Variants in SCN9A observed in about 807,000 individuals in gnomAD.
The protein encoded by SCN9A is sodium voltage-gated channel alpha subunit 9.
SCN9A carries 131 observed loss-of-function variants against 187.0 expected under a neutral mutation model. The ratio of observed to expected loss-of-function variants is 0.70; its 90% confidence interval spans 0.61 to 0.81. The LOEUF is 0.81. Among genes scored for constraint, SCN9A ranks in the 30% least tolerant of loss-of-function variants. SCN9A has a pLI of 0.00. For synonymous variants in SCN9A, 809 were observed against 808.6 expected, an observed-to-expected ratio of 1.00 and a Z score of -0.01; for missense variants, 2,252 against 2,396.6, an observed-to-expected ratio of 0.94 and a Z score of 1.26.
intron 1 of SCN9A, among the ~76,000 whole-genome samples, chr2:166,359,389 T>C (rs1559062259): frequency 6.6e-6 from 1 of 152,104 alleles, no homozygotes; most frequent in Non-Finnish European, 1.5e-5. Flanking sequence ...AAGTATAATA[T>C]CACAAGAAAA....
intron 11 of SCN9A, among the ~76,000 whole-genome samples, chr2:166,285,541 T>A (rs113871034): frequency 4.8e-4 from 73 of 152,330 alleles, no homozygotes; most frequent in African/African-American, 1.6e-3. Flanking sequence ...CATATTTATT[T>A]TTATTGATAT....
intron 24 of SCN9A, 61 bp downstream of exon 24, chr2:166,226,506 C>T: frequency 8.4e-7 from 1 of 1,188,932 alleles, no homozygotes. Flanking sequence ...TTTACATTAT[C>T]TTTTTTGGAA....
Position 166,311,792 on chromosome 2 carries a change from C to T in SCN9A, c.-36G>A. 1 of 1,541,376 alleles carries T rather than the reference C, an allele frequency of 6.5e-7. No individual in the cohort carries two copies. Among genetic ancestry groups the T allele is most frequent in the Non-Finnish European group, 8.8e-7 (1 of 1,139,198 alleles). On this transcript the variant is annotated 5_prime_UTR_variant, in exon 2 of 27. Transcript: ENST00000642356. ...TGTATATTTTAATTCCTCTTCAGCT[C>T]CTCACATAAGAGGCCTGGATGGAAA...
chr2:166,264,179 A>T (rs1293561196), intron 17 of SCN9A, among the ~76,000 whole-genome samples: 1 of 152,004 alleles, frequency 6.6e-6, no homozygotes, highest in African/African-American at 2.4e-5. Context: ...TTCTTAGCAC[A>T]GTGCTTAGAG....
intron 4 of SCN9A, 43 bp downstream of exon 4, chr2:166,306,467 G>A: frequency 9.1e-7 from 1 of 1,101,584 alleles, no homozygotes; most frequent in Non-Finnish European, 1.4e-6. Flanking sequence ...AGGATGAAAT[G>A]ATAATACCAA....
chr2:166,358,036 T>A (rs997268290), intron 1 of SCN9A, among the ~76,000 whole-genome samples: 1 of 26,168 alleles, frequency 3.8e-5, no homozygotes, highest in African/African-American at 2.2e-4. Context: ...AATAAAACTT[T>A]TATTTATTTA....
At chr2:166,209,917 G>A (rs575631262) in intron 24 of SCN9A, among the ~76,000 whole-genome samples, 20 of 152,240 alleles carry the variant, frequency 1.3e-4, no homozygotes, top group Admixed American at 4.6e-4. Context: ...CAAGGATCTA[G>A]AACTAGAAAT....
intron 1 of SCN9A, among the ~76,000 whole-genome samples, chr2:166,342,961 G>A (rs1163596052): frequency 6.6e-6 from 1 of 152,134 alleles, no homozygotes; most frequent in Non-Finnish European, 1.5e-5. Flanking sequence ...CTGCAAAAAC[G>A]TTTTTAGCAC....
intron 18 of SCN9A, among the ~76,000 whole-genome samples, chr2:166,251,262 A>G (rs1039167715): frequency 6.6e-6 from 1 of 152,086 alleles, no homozygotes; most frequent in African/African-American, 2.4e-5. Flanking sequence ...TGCAGAAAAA[A>G]TACTCATTAA....
intron 2 of SCN9A, among the ~76,000 whole-genome samples, chr2:166,308,676 A>G (rs1477473201): frequency 6.6e-6 from 1 of 152,134 alleles, no homozygotes; most frequent in Admixed American, 6.5e-5. Flanking sequence ...TGTTCCCAGC[A>G]CTTTGGGAGG....
Position 166,276,993 on chromosome 2 carries a change from C to T in SCN9A, c.2864G>A (p.Gly955Glu). The T allele has an allele frequency of 6.2e-7, 1 of 1,612,164 alleles. No homozygotes were observed. Among genetic ancestry groups the T allele is most frequent in the Non-Finnish European group, 8.5e-7 (1 of 1,178,822 alleles). The change falls in exon 16 of 27, where the codon GGA (glycine) becomes GAA (glutamate). Residue 955 changes from glycine to glutamate, a missense_variant. Physicochemically the swap from Gly to Glu is moderately conservative, Grantham distance 98. Around this residue, in one of 7 missense-constraint regions of SCN9A, gnomAD observed 119 missense variants for 188.7 expected, o/e 0.63. Transcript: ENST00000642356. ...LIVYMMVMVIGNLVVLNLFLA... is the reference protein window; with the variant it reads ...LIVYMMVMVIENLVVLNLFLA... ...CATCTGGTTACATACCACCAGGTTT[C>T]CAATGACCATGACCATCATGTAAAC...
At chr2:166,327,713 T>G (rs4131632) in intron 1 of SCN9A, among the ~76,000 whole-genome samples, 33,637 of 152,138 alleles carry the variant, frequency 0.22, 4,787 homozygotes, top group Non-Finnish European at 0.33. Context: ...GCTTTTAACT[T>G]TATAATCTTT....
At chr2:166,221,935 T>C (rs1694604735) in intron 24 of SCN9A, among the ~76,000 whole-genome samples, 1 of 152,148 alleles carries the variant, frequency 6.6e-6, no homozygotes, top group African/African-American at 2.4e-5. Flanking sequence ...TAAAATTGAA[T>C]TCTTATATTA....
chr2:166,242,691 T>A, intron 18 of SCN9A, 35 bp from the exon 19 acceptor site: 6 of 1,490,374 alleles, frequency 4.0e-6, no homozygotes, highest in Non-Finnish European at 5.4e-6. Context: ...AATCTTGATA[T>A]TCAGAATAAA....
At chr2:166,346,896 A>G (rs917841010) in intron 1 of SCN9A, among the ~76,000 whole-genome samples, 2 of 152,230 alleles carry the variant, frequency 1.3e-5, no homozygotes, top group Non-Finnish European at 2.9e-5. Flanking sequence ...AGACATTTGC[A>G]CAATAGTTTT....
chr2:166,304,284 T>C lies in SCN9A; in HGVS notation c.642A>G (p.Arg214=), dbSNP rs376908183. 22 of 1,613,596 alleles carry C rather than the reference T, an allele frequency of 1.4e-5. No homozygotes were observed. In the African/African-American group the frequency reaches 2.8e-4, roughly 21 times the overall value. Residue 214 remains arginine, a synonymous_variant, in exon 6 of 27, where the codon CGA becomes CGG. Transcript: ENST00000642356. ...FVNLGNVSAL[R]TFRVLRALKT... is the part of the protein sequence containing the mutation. Reference sequence around the variant, plus strand: ...TCAAAGCTCTCAATACTCTGAAAGTTCGAAGAGCTGAAACATTGCCTAGGT... The same window carrying C: ...TCAAAGCTCTCAATACTCTGAAAGTCCGAAGAGCTGAAACATTGCCTAGGT...
intron 1 of SCN9A, among the ~76,000 whole-genome samples, chr2:166,373,133 T>C (rs761588559): frequency 6.6e-6 from 1 of 152,184 alleles, no homozygotes; most frequent in South Asian, 2.1e-4. Context: ...TATTGTTTCA[T>C]GTGTTTTAGC....
intron 17 of SCN9A, among the ~76,000 whole-genome samples, chr2:166,254,982 A>G (rs1377513889): frequency 6.6e-6 from 1 of 151,454 alleles, no homozygotes; most frequent in Non-Finnish European, 1.5e-5. Flanking sequence ...AAAGTGTTTT[A>G]AAAATATGAA....
intron 6 of SCN9A, 110 bp downstream of exon 6, chr2:166,304,128 A>G (rs370859545): frequency 1.2e-6 from 2 of 1,613,282 alleles, no homozygotes; most frequent in Non-Finnish European, 8.5e-7. Flanking sequence ...CATATCTGTA[A>G]TAGGGGAGTT....
Sources: gnomAD v4.1 joint callset for allele counts (sites outside exome capture counted in the v4.1 genomes callset) on GRCh38, gnomAD v4.1.1 for gene constraint, gnomAD v4.1.1 regional missense constraint, MANE v1.5 for transcripts, NCBI Gene and HGNC (gene_info 2026-07-23, HGNC 2026-07-21) for gene names.